Variants in MAP4 observed in about 807,000 individuals in gnomAD.
MAP4 encodes microtubule-associated protein 4.
MAP4 carries 76 observed loss-of-function variants against 170.2 expected under a neutral mutation model. That is an observed-to-expected ratio of 0.45 (90% CI 0.37 to 0.54). The LOEUF (loss-of-function observed/expected upper bound fraction) is 0.54, where lower values mean the gene tolerates loss of function less well. MAP4 is among the 20% of genes least tolerant of loss of function. MAP4 has a pLI of 0.00. For missense variants in MAP4, 2,506 were observed against 2,748.0 expected (o/e 0.91, Z 1.97); for synonymous variants, 909 against 994.5 (o/e 0.91, Z 1.62).
chr3:48,077,943 T>C (rs2154568713), intron 1 of MAP4, among the ~76,000 whole-genome samples: 1 of 152,286 alleles, frequency 6.6e-6, no homozygotes, highest in East Asian at 1.9e-4. Context: ...AAAGGCCATT[T>C]ATTGTATGAT....
intron 3 of MAP4, among the ~76,000 whole-genome samples, chr3:47,938,665 T>C (rs1029581530): frequency 6.6e-6 from 1 of 152,238 alleles, no homozygotes; most frequent in Admixed American, 6.5e-5. Context: ...ATTACATGCA[T>C]GAGCCTCTAT....
chr3:47,877,304 G>A, intron 11 of MAP4, 113 bp downstream of exon 11: 1 of 781,848 alleles, frequency 1.3e-6, no homozygotes, highest in East Asian at 2.6e-5. Flanking sequence ...CATGAGGAAG[G>A]ACAATAACAG....
chr3:48,065,251 A>G (rs1242719488), intron 1 of MAP4, among the ~76,000 whole-genome samples: 2 of 152,218 alleles, frequency 1.3e-5, no homozygotes, highest in South Asian at 2.1e-4. Flanking sequence ...TACCACTCAC[A>G]TCTCAAACAT....
chr3:47,869,436 C>T, intron 15 of MAP4, 109 bp from the exon 16 acceptor site: 2 of 726,564 alleles, frequency 2.8e-6, no homozygotes, highest in Admixed American at 4.6e-5. Flanking sequence ...GGCCACCAGG[C>T]AAAAGCAGGT....
chr3:48,078,502 T>C (rs2100145019), intron 1 of MAP4, among the ~76,000 whole-genome samples: 1 of 151,982 alleles, frequency 6.6e-6, no homozygotes, highest in African/African-American at 2.4e-5. Context: ...ATGTGAATTA[T>C]GTATCAACTT....
chr3:47,910,481 C>G lies in MAP4; in HGVS notation c.3940G>C (p.Val1314Leu). The G allele has an allele frequency of 6.5e-7, 1 of 1,536,078 alleles. No homozygotes were observed. The highest frequency in any genetic ancestry group is 8.7e-7 in the Non-Finnish European group (1 of 1,146,900). Residue 1314 changes from valine (V) to leucine (L), a missense_variant, in exon 9 of 21, where the codon GTT becomes CTT. Physicochemically the swap from Val to Leu is conservative, Grantham distance 32. Transcript: ENST00000683076. ...NKISTVKAST[V>L]TEPPAKVTDV... ...GTCACCTTGGCAGGTGGTTCAGTAA[C>G]AGTAGAAGCCTTGACTGTGCTTATC...
chr3:47,921,687 T>G (rs1056766569), intron 5 of MAP4, 78 bp downstream of exon 5: 1 of 767,652 alleles, frequency 1.3e-6, no homozygotes, highest in Admixed American at 2.0e-5. Flanking sequence ...CACAGAGCCC[T>G]AGTCAGTGAA....
intron 3 of MAP4, among the ~76,000 whole-genome samples, chr3:47,942,928 A>G (rs1432331832): frequency 1.3e-5 from 2 of 152,136 alleles, no homozygotes; most frequent in African/African-American, 2.4e-5. Flanking sequence ...TGGGCAATGT[A>G]GCAAGACCCC....
At chr3:47,971,647 C>T (rs967224189) in intron 3 of MAP4, among the ~76,000 whole-genome samples, 3 of 152,182 alleles carry the variant, frequency 2.0e-5, no homozygotes, top group African/African-American at 7.2e-5. Context: ...TAATTTACCT[C>T]CATGGTCGCA....
intron 10 of MAP4, among the ~76,000 whole-genome samples, chr3:47,902,710 T>A (rs1021094155): frequency 7.5e-5 from 11 of 145,802 alleles, no homozygotes; most frequent in African/African-American, 2.8e-4. Context: ...AGAAGCCAGT[T>A]GAATCAGAGG....
intron 3 of MAP4, among the ~76,000 whole-genome samples, chr3:47,968,898 A>C (rs2100076742): frequency 6.6e-6 from 1 of 152,192 alleles, no homozygotes; most frequent in African/African-American, 2.4e-5. Context: ...ACCAGAAATG[A>C]AAAGGAGATA....
rs2040879248 is a variant in MAP4, at chr3:47,850,968, G to C, written c.*1966C>G. Reference sequence around the variant, plus strand: ...CACCTACCCCCAACCTTTGGCCAAAGGAGTGAAAGGACCTGGAACCTGTCG... The same window carrying C: ...CACCTACCCCCAACCTTTGGCCAAACGAGTGAAAGGACCTGGAACCTGTCG... On this transcript the variant is annotated 3_prime_UTR_variant, in exon 21 of 21. Transcript: ENST00000683076. 6.6e-6 allele frequency: 1 copy of C among 152,380 alleles called. No homozygotes were observed. Among genetic ancestry groups the C allele is most frequent in the African/African-American group, 2.4e-5 (1 of 41,438 alleles). The allele number at this position is 152,380 out of a possible 1,614,324, so 9.4% of individuals were successfully genotyped here. A position where few individuals can be genotyped will look rare whatever the true frequency, so the allele number is the denominator to read the frequency against.
At chr3:47,989,119 G>A (rs1225987625) in intron 2 of MAP4, among the ~76,000 whole-genome samples, 1 of 152,088 alleles carries the variant, frequency 6.6e-6, no homozygotes, top group East Asian at 1.9e-4. Flanking sequence ...CCAGAACAGG[G>A]GTTTAAAATG....
At chr3:47,901,265 C>T (rs1254710689) in intron 10 of MAP4, among the ~76,000 whole-genome samples, 2 of 152,136 alleles carry the variant, frequency 1.3e-5, no homozygotes, top group Non-Finnish European at 2.9e-5. Context: ...GTCTGTTTTC[C>T]ACCCTGGAAT....
intron 4 of MAP4, 78 bp downstream of exon 4, chr3:47,928,150 C>T (rs565239480): frequency 7.0e-6 from 11 of 1,564,546 alleles, no homozygotes; most frequent in Admixed American, 7.0e-5. Flanking sequence ...AAAGCATTTT[C>T]ATCTGAATGG....
chr3:48,009,124 G>C (rs944218531), intron 1 of MAP4, among the ~76,000 whole-genome samples: 1 of 152,098 alleles, frequency 6.6e-6, no homozygotes, highest in Non-Finnish European at 1.5e-5. Flanking sequence ...GTTTTGAGAA[G>C]GGGTCTCACT....
intron 10 of MAP4, among the ~76,000 whole-genome samples, chr3:47,896,529 C>CCAAA (rs750378425): frequency 5.3e-5 from 8 of 152,070 alleles, no homozygotes; most frequent in South Asian, 2.1e-4. Flanking sequence ...AACTCCATCT[C>CCAAA]CAAACAAACA....
At chr3:47,998,088 C>T (rs1180097282) in intron 2 of MAP4, among the ~76,000 whole-genome samples, 3 of 152,134 alleles carry the variant, frequency 2.0e-5, no homozygotes, top group Admixed American at 6.6e-5. Flanking sequence ...TTTATGAAGT[C>T]GGCGTGACCT....
At chr3:47,919,150 C>G (rs1456378207) in intron 5 of MAP4, among the ~76,000 whole-genome samples, 3 of 151,948 alleles carry the variant, frequency 2.0e-5, no homozygotes. Flanking sequence ...CCCGGATAGT[C>G]TCGATCTCCT....
Sources: allele counts gnomAD v4.1 joint callset (sites outside exome capture counted in the v4.1 genomes callset), GRCh38; gene constraint gnomAD v4.1.1; transcripts MANE v1.5; gene names NCBI Gene and HGNC (gene_info 2026-07-23, HGNC 2026-07-21).